PRPF4: variants seen among roughly 807,000 people sequenced by gnomAD.
PRPF4 encodes the protein U4/U6 small nuclear ribonucleoprotein Prp4.
A neutral mutation model predicts 72.2 loss-of-function variants in PRPF4; 14 were observed. That is an observed-to-expected ratio of 0.19 (90% CI 0.13 to 0.30). PRPF4 has a LOEUF of 0.30. Ranked by LOEUF, PRPF4 falls within the 10% of genes least tolerant of loss-of-function variation. The pLI is 1.00. For missense variants in PRPF4, 478 were observed against 653.9 expected (o/e 0.73, Z 2.93); for synonymous variants, 225 against 232.2 (o/e 0.97, Z 0.28).
Position 113,279,065 on chromosome 9 carries a change from C to T in PRPF4, c.326C>T (p.Ala109Val). 7 of 1,614,182 alleles carry T rather than the reference C, an allele frequency of 4.3e-6. No homozygotes were observed. The highest frequency in any genetic ancestry group is 5.9e-6 in the Non-Finnish European group (7 of 1,180,026). Residue 109 changes from alanine (A) to valine (V), a missense_variant, in exon 3 of 14, where the codon GCT (alanine) becomes GTT (valine). Transcript: ENST00000374198. ...NVSTDDSEVK[A>V]CLRALGEPIT... The stretch of plus-strand genomic sequence containing the variant: ...TCCACAGATGACTCAGAGGTCAAAG[C>T]TTGCCTTAGAGCCTTGGGGGAACCC...
rs1352318088 is a variant in PRPF4 at position 113,284,433 on chromosome 9, A to C, written c.749+44A>C. The C allele has an allele frequency of 3.4e-6, 5 of 1,489,364 alleles. No homozygotes were observed. The South Asian group carries it at 5.7e-5, about 17-fold the overall frequency. The allele number at this position is 1,489,364 out of a possible 1,614,324, so 92.3% of individuals were successfully genotyped here. A position where few individuals can be genotyped will look rare whatever the true frequency, so the allele number is the denominator to read the frequency against. On this transcript the variant is annotated intron_variant, in intron 7 of 13. Transcript: ENST00000374198. ...TGACATTTTTTCCTAAATGGGGAAC[A>C]GGCTCAGGAAGAAAATTAGCATTTG...
Position 113,290,544 on chromosome 9 carries a change from G to A in PRPF4, c.1101G>A (p.Val367=), listed in dbSNP as rs745411000. The A allele has an allele frequency of 6.2e-7, 1 of 1,614,204 alleles. No homozygotes were observed. Among genetic ancestry groups the A allele is most frequent in the South Asian group, 1.1e-5 (1 of 91,084 alleles). Residue 367 remains valine (V), a synonymous_variant, in exon 11 of 14, where the codon GTG becomes GTA. Transcript: ENST00000374198. ...ATCAGGAAGGCCATAGCATGGGTGT[G>A]TATGACATTGCCTTCCATCAAGATG... is the stretch of plus-strand genomic sequence containing the variant. ...ILHQEGHSMG[V]YDIAFHQDGS... is the part of the protein sequence containing the mutation.
intron 6 of PRPF4, 38 bp from the exon 7 acceptor site, chr9:113,284,257 T>C (rs780630528): frequency 2.1e-6 from 3 of 1,455,088 alleles, no homozygotes; most frequent in South Asian, 1.1e-5. Flanking sequence ...GATTAACCTA[T>C]TAATGATCAC....
In PRPF4 at chr9:113,279,148, T is replaced by C; in HGVS notation, c.392+17T>C. On this transcript the variant is annotated intron_variant, in intron 3 of 13. Transcript: ENST00000374198. ...AAGAGAAAGGTTGCCTTTCTAAATATTTACTTTTTTTCTTTATTATAATCA... is the reference window on the plus strand; with the variant it reads ...AAGAGAAAGGTTGCCTTTCTAAATACTTACTTTTTTTCTTTATTATAATCA... 1 of 1,589,398 alleles carries C rather than the reference T, an allele frequency of 6.3e-7. No individual in the cohort carries two copies. The highest frequency in any genetic ancestry group is 1.4e-5 in the African/African-American group (1 of 73,680).
intron 8 of PRPF4, 72 bp from the exon 9 acceptor site, chr9:113,286,633 T>C (rs1348542546): frequency 2.4e-5 from 37 of 1,567,170 alleles, no homozygotes; most frequent in Non-Finnish European, 1.8e-6. Flanking sequence ...TATGTCCACA[T>C]GTTCCCTAGT....
At chr9:113,282,793 C>G (rs577064405) in intron 4 of PRPF4, 60 bp downstream of exon 4, 1 of 1,353,170 alleles carries the variant, frequency 7.4e-7, no homozygotes, top group African/African-American at 1.5e-5. Flanking sequence ...ATAGGTCTCT[C>G]GTTTTCTGCT....
intron 2 of PRPF4, among the ~76,000 whole-genome samples, chr9:113,277,386 TTG>T (rs71367710): frequency 1.2e-4 from 18 of 150,020 alleles, no homozygotes; most frequent in Non-Finnish European, 1.3e-4. Context: ...TGAAATCTTT[TTG>T]TGTGTGTGTG....
intron 10 of PRPF4, 82 bp from the exon 11 acceptor site, chr9:113,290,384 C>T: frequency 6.3e-7 from 1 of 1,575,484 alleles, no homozygotes; most frequent in Non-Finnish European, 8.7e-7. Context: ...ATAACTTAAG[C>T]TATAATGGCT....
chr9:113,277,933 A>G (rs1832160691), intron 2 of PRPF4, among the ~76,000 whole-genome samples: 1 of 152,130 alleles, frequency 6.6e-6, no homozygotes, highest in South Asian at 2.1e-4. Flanking sequence ...GTGAGTCATG[A>G]CTGTGCCACT....
At position 113,291,553 on chromosome 9, in the gene PRPF4, C is replaced by T. The variant is rs942888568; in HGVS notation, c.1459C>T (p.Leu487=). 6.2e-6 allele frequency: 10 copies of T among 1,614,168 alleles called. No homozygotes were observed. The highest frequency in any genetic ancestry group is 7.6e-6 in the Non-Finnish European group (9 of 1,180,022). The change falls in exon 14 of 14, where the codon CTG becomes TTG. Residue 487 remains leucine (L), a synonymous_variant. Transcript: ENST00000374198. ...THPGWSPLKT[L]AGHEGKVMGL... Reference sequence around the variant, plus strand: ...CCCAGGCTGGTCCCCGCTGAAGACTCTGGCTGGCCACGAAGGCAAAGTGAT... The same window carrying T: ...CCCAGGCTGGTCCCCGCTGAAGACTTTGGCTGGCCACGAAGGCAAAGTGAT...
At chr9:113,286,329 A>T in intron 8 of PRPF4, 39 bp downstream of exon 8, 1 of 1,541,954 alleles carries the variant, frequency 6.5e-7, no homozygotes, top group Non-Finnish European at 9.0e-7. Flanking sequence ...TCTTTTTCCC[A>T]GTGTGAACTC....
At chr9:113,287,665 G>A (rs1832490126) in intron 9 of PRPF4, among the ~76,000 whole-genome samples, 1 of 152,214 alleles carries the variant, frequency 6.6e-6, no homozygotes, top group Non-Finnish European at 1.5e-5. Flanking sequence ...AGTTTTAATT[G>A]GCTTTGGTAA....
chr9:113,288,471 C>CT (rs1832515740), intron 10 of PRPF4, among the ~76,000 whole-genome samples: 1 of 150,154 alleles, frequency 6.7e-6, no homozygotes, highest in Non-Finnish European at 1.5e-5. Flanking sequence ...GAGTCTCACT[C>CT]TGTCACCCAG....
intron 2 of PRPF4, 115 bp from the exon 3 acceptor site, chr9:113,278,830 A>G: frequency 1.0e-6 from 1 of 989,104 alleles, no homozygotes; most frequent in South Asian, 1.8e-5. Context: ...TAAACTATAA[A>G]ATGTGTAATA....
At position 113,282,688 on chromosome 9, in the gene PRPF4, A is replaced by G. The variant is rs750915287; in HGVS notation, c.435A>G (p.Lys145=). The G allele has an allele frequency of 8.1e-6, 13 of 1,612,390 alleles. No individual in the cohort carries two copies. The East Asian group carries it at 2.9e-4, about 36-fold the overall frequency. The part of the protein sequence containing the change: ...ILSVVGTDAL[K]KTKKDDEKSK... The stretch of plus-strand genomic sequence containing the variant: ...CAGTTGTCGGTACTGATGCCTTGAA[A>G]AAGACCAAAAAGGATGATGAGAAGT... Residue 145 remains lysine (K), a synonymous_variant, in exon 4 of 14, where the codon AAA becomes AAG. Transcript: ENST00000374198.
chr9:113,291,799 A>AT lies in PRPF4; in HGVS notation c.*140dup, dbSNP rs1832616441. On this transcript the variant is annotated 3_prime_UTR_variant, in exon 14 of 14. Coordinates refer to ENST00000374198, the MANE Select transcript of PRPF4 (RefSeq NM_001244926.2). ...AGACCCTCAGTAGAATTGGATTTCCATGTCAGCCCCCACTCCAGGAAGGCA... is the reference window on the plus strand; with the variant it reads ...AGACCCTCAGTAGAATTGGATTTCCATTGTCAGCCCCCACTCCAGGAAGGCA... 2 of 881,786 alleles carry AT rather than the reference A, an allele frequency of 2.3e-6. No individual in the cohort carries two copies. The highest frequency in any genetic ancestry group is 3.4e-5 in the African/African-American group (2 of 59,046). 54.6% of individuals were successfully genotyped at this position (881,786 alleles called of 1,614,324 possible).
rs1314114983 is a variant in PRPF4, at chr9:113,279,051, C to T, written c.312C>T (p.Asp104=). 1 of 1,614,112 alleles carries T rather than the reference C, an allele frequency of 6.2e-7. No homozygotes were observed. The highest frequency in any genetic ancestry group is 8.5e-7 in the Non-Finnish European group (1 of 1,180,044). ...GGCAGATCAATGTTTCCACAGATGA[C>T]TCAGAGGTCAAAGCTTGCCTTAGAG... The part of the protein sequence containing the change: ...RARQINVSTD[D]SEVKACLRAL... The change falls in exon 3 of 14, where the codon GAC becomes GAT. Residue 104 remains aspartate, a synonymous_variant. Coordinates refer to ENST00000374198, the MANE Select transcript of PRPF4 (RefSeq NM_001244926.2).
intron 4 of PRPF4, 192 bp from the exon 5 acceptor site, chr9:113,282,940 T>G: frequency 1.7e-6 from 2 of 1,157,454 alleles, no homozygotes; most frequent in Non-Finnish European, 1.2e-6. Flanking sequence ...CAGGAAAGAA[T>G]CATGGCATTC....
At chr9:113,286,404 T>C (rs1832450951) in intron 8 of PRPF4, 114 bp downstream of exon 8, 1 of 1,083,236 alleles carries the variant, frequency 9.2e-7, no homozygotes, top group East Asian at 2.4e-5. Context: ...CTTGATTTGA[T>C]TTGACTTGGT....
Sources: gnomAD v4.1 joint callset for allele counts (sites outside exome capture counted in the v4.1 genomes callset) on GRCh38, gnomAD v4.1.1 for gene constraint, MANE v1.5 for transcripts, NCBI Gene and HGNC (gene_info 2026-07-23, HGNC 2026-07-21) for gene names.